Variants in ADGRD1 observed in about 807,000 individuals in gnomAD.
The protein encoded by ADGRD1 is G-protein coupled receptor 133.
Under a neutral mutation model 113.4 loss-of-function variants are expected in ADGRD1, and 77 were observed. The ratio of observed to expected loss-of-function variants is 0.68; its 90% CI spans 0.57 to 0.82. The LOEUF is 0.82. Ranked by LOEUF, ADGRD1 falls within the 40% of genes least tolerant of loss-of-function variation. ADGRD1 has a pLI of 0.00. For synonymous variants in ADGRD1, 474 were observed against 475.0 expected, an observed-to-expected ratio of 1.00 and a Z score of 0.03; for missense variants, 1,036 against 1,139.1, an observed-to-expected ratio of 0.91 and a Z score of 1.30.
chr12:131,137,960 C>T, intron 23 of ADGRD1, 177 bp from the exon 24 acceptor site: 1 of 615,266 alleles, frequency 1.6e-6, no homozygotes, highest in Middle Eastern at 4.1e-4. Flanking sequence ...CAACCTGGCT[C>T]TGCCCCACAG....
At chr12:131,030,408 T>C (rs1313759553) in intron 13 of ADGRD1, among the ~76,000 whole-genome samples, 1 of 152,226 alleles carries the variant, frequency 6.6e-6, no homozygotes, top group African/African-American at 2.4e-5. Flanking sequence ...AGTGGCTCTA[T>C]CTCCGAGAAT....
chr12:131,028,285 T>C (rs1468658607), intron 13 of ADGRD1, among the ~76,000 whole-genome samples: 1 of 152,374 alleles, frequency 6.6e-6, no homozygotes, highest in East Asian at 1.9e-4. Context: ...CTCATTTTTC[T>C]GTTGTGCTGT....
At chr12:131,119,026 G>A (rs1417831299) in intron 19 of ADGRD1, among the ~76,000 whole-genome samples, 1 of 152,174 alleles carries the variant, frequency 6.6e-6, no homozygotes, top group Non-Finnish European at 1.5e-5. Context: ...AAGAGGATGG[G>A]ATGGTGCTGA....
intron 15 of ADGRD1, among the ~76,000 whole-genome samples, chr12:131,092,443 G>A (rs1057330226): frequency 6.6e-6 from 1 of 152,228 alleles, no homozygotes; most frequent in Non-Finnish European, 1.5e-5. Context: ...GATATTGATA[G>A]ACAGTCCTGC....
rs118187959 is a variant in ADGRD1, at chr12:131,044,460, C to T, written c.1473+30120C>T. ...GTCCTGGGTGGGGTCACAAGAGACT[C>T]GCAGCTCCTGGTCTCAGAGGACTGG... On this transcript the variant is annotated intron_variant, in intron 13 of 24. Transcript: ENST00000261654. Among the ~76,000 whole-genome samples the T allele has an allele frequency of 8.7e-3, 1,318 of 152,270 alleles. 15 individuals carry two copies. The highest frequency in any genetic ancestry group is 0.014 in the Non-Finnish European group (928 of 68,002).
intron 21 of ADGRD1, 93 bp from the exon 22 acceptor site, chr12:131,135,944 C>A: frequency 1.4e-6 from 2 of 1,400,976 alleles, no homozygotes; most frequent in Non-Finnish European, 2.0e-6. Context: ...GCGGTGCCTG[C>A]ACCCATCTGG....
chr12:130,982,617 TG>T (rs1398919815), intron 5 of ADGRD1, among the ~76,000 whole-genome samples: 2 of 152,164 alleles, frequency 1.3e-5, no homozygotes, highest in Non-Finnish European at 2.9e-5. Context: ...AGAGAGAGGC[TG>T]AAGAATCGGG....
intron 2 of ADGRD1, among the ~76,000 whole-genome samples, chr12:130,963,417 C>T (rs1870641207): frequency 3.3e-5 from 5 of 151,692 alleles, no homozygotes; most frequent in Admixed American, 3.3e-4. Context: ...TCGCACTCAG[C>T]TTTTCGATTT....
intron 8 of ADGRD1, among the ~76,000 whole-genome samples, chr12:130,995,125 G>C (rs1875062636): frequency 6.6e-6 from 1 of 152,220 alleles, no homozygotes; most frequent in African/African-American, 2.4e-5. Flanking sequence ...GTGTGGCCAG[G>C]CTGGCAGGTC....
chr12:131,097,238 GC>G (rs758805652), intron 15 of ADGRD1, among the ~76,000 whole-genome samples: 1 of 152,190 alleles, frequency 6.6e-6, no homozygotes, highest in Non-Finnish European at 1.5e-5. Flanking sequence ...GACAGCAGGA[GC>G]CCCCAGGGTT....
intron 8 of ADGRD1, among the ~76,000 whole-genome samples, chr12:130,996,950 C>A (rs891789597): frequency 7.6e-6 from 1 of 132,330 alleles, no homozygotes. Flanking sequence ...GGTGGCTGGC[C>A]GGGTGGGGGG....
At position 131,075,371 on chromosome 12, in the gene ADGRD1, G is replaced by C. The variant is rs1885514991; in HGVS notation, c.1474-1430G>C. Among the ~76,000 whole-genome samples the C allele has an allele frequency of 6.6e-6, 1 of 152,062 alleles. No homozygotes were observed. Among genetic ancestry groups the C allele is most frequent in the African/African-American group, 2.4e-5 (1 of 41,406 alleles). On this transcript the variant is annotated intron_variant, in intron 13 of 24. Coordinates refer to ENST00000261654, the MANE Select transcript of ADGRD1 (RefSeq NM_198827.5). The surrounding 1 kb of genome is among the most constrained non-coding windows in gnomAD (Gnocchi z 5.3). ...GCTGATGCCCCTCTGTGGTCCTGGT[G>C]GCTGCAGGACACAGGGCCCTCTGTT...
intron 24 of ADGRD1, 64 bp downstream of exon 24, chr12:131,138,293 G>A: frequency 7.4e-7 from 1 of 1,360,286 alleles, no homozygotes; most frequent in Admixed American, 1.8e-5. Context: ...TCGGTTGTCA[G>A]CAGGATGGGG....
intron 20 of ADGRD1, among the ~76,000 whole-genome samples, chr12:131,130,754 C>CG (rs1283159420): frequency 1.3e-5 from 2 of 149,966 alleles, no homozygotes; most frequent in Non-Finnish European, 2.9e-5. Flanking sequence ...CCATCCCGTG[C>CG]GGGGGGAGAG....
At chr12:130,993,455 C>T (rs1490413228) in intron 8 of ADGRD1, among the ~76,000 whole-genome samples, 1 of 150,734 alleles carries the variant, frequency 6.6e-6, no homozygotes, top group Non-Finnish European at 1.5e-5. Context: ...AGTGCTAATA[C>T]TCCCTGCTTT....
chr12:131,106,207 AC>A (rs1436568295), intron 17 of ADGRD1, among the ~76,000 whole-genome samples: 1 of 152,224 alleles, frequency 6.6e-6, no homozygotes, highest in African/African-American at 2.4e-5. Flanking sequence ...GAATTGGGGC[AC>A]AGGGCTCACA....
chr12:130,986,956 T>C lies in ADGRD1; in HGVS notation c.491-139T>C, dbSNP rs533301189. On this transcript the variant is annotated intron_variant, in intron 5 of 24. Transcript: ENST00000261654. The stretch of plus-strand genomic sequence containing the variant: ...ACTGGGGAAAGTCAGGTCTGTGTTA[T>C]ACCTTGTATTAGGACGCACCACAGT... 7.9e-5 allele frequency: 54 copies of C among 684,736 alleles called. No individual in the cohort carries two copies. The South Asian group carries it at 9.2e-4, about 12-fold the overall frequency. The allele number at this position is 684,736 out of a possible 1,614,324, so 42.4% of individuals were successfully genotyped here. A position where few individuals can be genotyped will look rare whatever the true frequency, so the allele number is the denominator to read the frequency against.
chr12:130,968,060 G>A (rs7980647), intron 3 of ADGRD1: 119,086 of 152,202 alleles, frequency 0.78, 50,110 homozygotes, highest in East Asian at 0.95. Flanking sequence ...CACTGTTCCA[G>A]GACCCAGCAA....
At chr12:131,043,159 T>G (rs1220564026) in intron 13 of ADGRD1, among the ~76,000 whole-genome samples, 1 of 152,164 alleles carries the variant, frequency 6.6e-6, no homozygotes, top group African/African-American at 2.4e-5. Flanking sequence ...CAGGGTCCTG[T>G]GCACCCTGGA....
Sources: gnomAD v4.1 joint callset for allele counts (sites outside exome capture counted in the v4.1 genomes callset) on GRCh38, gnomAD v4.1.1 for gene constraint, Gnocchi (gnomAD v3.1) non-coding constraint, MANE v1.5 for transcripts, NCBI Gene and HGNC (gene_info 2026-07-23, HGNC 2026-07-21) for gene names.